The following PTPRO variants were observed in gnomAD, a reference collection of about 807,000 sequenced individuals.
The protein encoded by PTPRO is receptor-type tyrosine-protein phosphatase O.
In PTPRO, 62 loss-of-function variants were observed where a neutral mutation model predicts 145.2. The observed-to-expected ratio is 0.43, with a 90% CI of 0.35 to 0.53. The LOEUF (loss-of-function observed/expected upper bound fraction) is 0.53, where lower values mean the gene tolerates loss of function less well. Among genes scored for constraint, PTPRO ranks in the 20% least tolerant of loss-of-function variants. The pLI is 0.01. For synonymous variants in PTPRO, 565 were observed against 514.7 expected, an observed-to-expected ratio of 1.10 and a Z score of -1.32; for missense variants, 1,345 against 1,482.7, an observed-to-expected ratio of 0.91 and a Z score of 1.53.
intron 12 of PTPRO, among the ~76,000 whole-genome samples, chr12:15,527,338 G>A (rs1284186609): frequency 6.6e-6 from 1 of 152,204 alleles, no homozygotes; most frequent in East Asian, 1.9e-4. Flanking sequence ...GAAAAAGTGA[G>A]GTTGAGGTAG....
chr12:15,593,980 A>C (rs1481442180), intron 25 of PTPRO, among the ~76,000 whole-genome samples: 1 of 152,168 alleles, frequency 6.6e-6, no homozygotes, highest in Non-Finnish European at 1.5e-5. Flanking sequence ...GAATAAAAAG[A>C]CATAGTTTCT....
intron 15 of PTPRO, among the ~76,000 whole-genome samples, chr12:15,555,130 C>G (rs930117097): frequency 2.6e-5 from 4 of 151,996 alleles, no homozygotes; most frequent in African/African-American, 9.7e-5. Flanking sequence ...CCCAGCTACT[C>G]AGGAGACTGA....
chr12:15,543,028 A>G (rs570160814), intron 12 of PTPRO, among the ~76,000 whole-genome samples: 392 of 152,368 alleles, frequency 2.6e-3, no homozygotes, highest in South Asian at 0.017. Flanking sequence ...GTTCATAATT[A>G]TAATAACAAT....
At chr12:15,548,999 CT>C in intron 13 of PTPRO, 94 bp from the exon 14 acceptor site, 1 of 1,331,894 alleles carries the variant, frequency 7.5e-7, no homozygotes, top group Non-Finnish European at 1.1e-6. Context: ...ACATTTTTTA[CT>C]CTGTCAATCT....
chr12:15,402,186 G>A (rs982552092), intron 1 of PTPRO, among the ~76,000 whole-genome samples: 10 of 152,146 alleles, frequency 6.6e-5, no homozygotes, highest in Middle Eastern at 3.4e-3. Context: ...CCAGGAGATC[G>A]AGACCATCTT....
chr12:15,473,909 T>C (rs1026415101), intron 1 of PTPRO, among the ~76,000 whole-genome samples: 10 of 152,096 alleles, frequency 6.6e-5, no homozygotes, highest in Non-Finnish European at 2.9e-5. Context: ...AAAAATTCCA[T>C]GAGTTTTAGC....
chr12:15,349,810 A>G (rs912583614), intron 1 of PTPRO, among the ~76,000 whole-genome samples: 1 of 152,232 alleles, frequency 6.6e-6, no homozygotes, highest in African/African-American at 2.4e-5. Flanking sequence ...TTTAATAGGT[A>G]AAATTAACTA....
rs1943287156 is a variant in PTPRO, at chr12:15,546,305, T to C, written c.2165-264T>C. On this transcript the variant is annotated intron_variant, in intron 12 of 26. Transcript: ENST00000281171. ...TGACACAGAAACTATTAATAGATTA[T>C]GACTATGATGAAACTGAAGTAGAAA... 4.7e-6 allele frequency: 6 copies of C among 1,272,750 alleles called. No homozygotes were observed. In the East Asian group the frequency reaches 2.3e-4, roughly 49 times the overall value. The allele number at this position is 1,272,750 out of a possible 1,614,324, so 78.8% of individuals were successfully genotyped here. A position where few individuals can be genotyped will look rare whatever the true frequency, so the allele number is the denominator to read the frequency against.
intron 1 of PTPRO, among the ~76,000 whole-genome samples, chr12:15,351,291 T>C (rs960044628): frequency 6.6e-6 from 1 of 152,170 alleles, no homozygotes; most frequent in African/African-American, 2.4e-5. Context: ...CCAGAGAATA[T>C]TTGAAACCTG....
intron 12 of PTPRO, among the ~76,000 whole-genome samples, chr12:15,545,642 T>C (rs1218534523): frequency 6.6e-6 from 1 of 152,094 alleles, no homozygotes; most frequent in East Asian, 1.9e-4. Context: ...CCTTTACGAA[T>C]GGATTTATTT....
At chr12:15,410,290 G>A (rs1050778922) in intron 1 of PTPRO, 6 of 152,218 alleles carry the variant, frequency 3.9e-5, no homozygotes, top group African/African-American at 1.2e-4. Flanking sequence ...GAGTGCCTGT[G>A]AGGATGTTTC....
intron 1 of PTPRO, among the ~76,000 whole-genome samples, chr12:15,475,896 T>C (rs557224716): frequency 1.3e-5 from 2 of 152,322 alleles, no homozygotes; most frequent in South Asian, 4.1e-4. Context: ...TGGGTATGAT[T>C]ACTCTTTCTT....
chr12:15,583,974 T>A (rs934814486), intron 23 of PTPRO, among the ~76,000 whole-genome samples: 1 of 152,236 alleles, frequency 6.6e-6, no homozygotes, highest in African/African-American at 2.4e-5. Flanking sequence ...ATTGCTTCCT[T>A]GTTAAGCACG....
intron 1 of PTPRO, among the ~76,000 whole-genome samples, chr12:15,378,983 C>G (rs1401454181): frequency 1.3e-5 from 2 of 152,032 alleles, no homozygotes; most frequent in Non-Finnish European, 2.9e-5. Context: ...TGAGATACAA[C>G]TTTATACCCA....
At chr12:15,417,749 C>A (rs991206969) in intron 1 of PTPRO, among the ~76,000 whole-genome samples, 1 of 151,774 alleles carries the variant, frequency 6.6e-6, no homozygotes, top group African/African-American at 2.4e-5. Flanking sequence ...AAGGAATGAT[C>A]TCAGTGTTGG....
chr12:15,539,581 G>A (rs772598350), intron 12 of PTPRO, among the ~76,000 whole-genome samples: 29 of 151,902 alleles, frequency 1.9e-4, no homozygotes, highest in Admixed American at 9.8e-4. Flanking sequence ...GCGCAACATG[G>A]TGAAACCCTG....
chr12:15,351,453 G>C (rs1160947247), intron 1 of PTPRO, among the ~76,000 whole-genome samples: 1 of 152,002 alleles, frequency 6.6e-6, no homozygotes, highest in Non-Finnish European at 1.5e-5. Flanking sequence ...AAAACAAAAG[G>C]CCTATTAACC....
chr12:15,453,105 T>A (rs1941088000), intron 1 of PTPRO, among the ~76,000 whole-genome samples: 1 of 152,164 alleles, frequency 6.6e-6, no homozygotes, highest in Non-Finnish European at 1.5e-5. Flanking sequence ...GTTTTCTGTA[T>A]GCCTAGCAAG....
At chr12:15,325,411 A>G (rs1369175788) in intron 1 of PTPRO, among the ~76,000 whole-genome samples, 1 of 152,230 alleles carries the variant, frequency 6.6e-6, no homozygotes, top group Non-Finnish European at 1.5e-5. Context: ...AGTGATGAGC[A>G]CATATAATCG....
Sources: gnomAD v4.1 joint callset for allele counts (sites outside exome capture counted in the v4.1 genomes callset) on GRCh38, gnomAD v4.1.1 for gene constraint, MANE v1.5 for transcripts, NCBI Gene and HGNC (gene_info 2026-07-23, HGNC 2026-07-21) for gene names.